ZFYVE9: variants seen among roughly 807,000 people sequenced by gnomAD.
The protein encoded by ZFYVE9 is zinc finger FYVE domain-containing protein 9.
A neutral mutation model predicts 126.7 loss-of-function variants in ZFYVE9; 43 were observed. The ratio of observed to expected loss-of-function variants is 0.34; its 90% confidence interval spans 0.27 to 0.44. The LOEUF (loss-of-function observed/expected upper bound fraction) is 0.44. Among genes scored for constraint, ZFYVE9 ranks in the 20% least tolerant of loss-of-function variants. The pLI is 1.00. For missense variants in ZFYVE9, 1,476 were observed against 1,697.0 expected, an observed-to-expected ratio of 0.87 and a Z score of 2.29; for synonymous variants, 521 against 597.4, an observed-to-expected ratio of 0.87 and a Z score of 1.87.
intron 14 of ZFYVE9, among the ~76,000 whole-genome samples, chr1:52,334,092 CAA>C (rs565760965): frequency 9.2e-5 from 6 of 65,134 alleles, no homozygotes; most frequent in African/African-American, 1.1e-4. Flanking sequence ...GACTCCGTCT[CAA>C]AAAAAAAAAA....
chr1:52,259,664 G>T (rs1029732229), intron 4 of ZFYVE9, among the ~76,000 whole-genome samples: 5 of 151,620 alleles, frequency 3.3e-5, no homozygotes, highest in African/African-American at 1.2e-4. Context: ...GGGCATGGTG[G>T]TGCACACCTG....
chr1:52,230,353 G>A (rs973316726), intron 2 of ZFYVE9, among the ~76,000 whole-genome samples: 5 of 152,158 alleles, frequency 3.3e-5, no homozygotes, highest in Non-Finnish European at 4.4e-5. Context: ...TGTGCAGTGC[G>A]CAGGTGGGCA....
intron 2 of ZFYVE9, among the ~76,000 whole-genome samples, chr1:52,222,161 T>C (rs1645129567): frequency 6.6e-6 from 1 of 152,254 alleles, no homozygotes; most frequent in Admixed American, 6.5e-5. Flanking sequence ...TGCTGTTACT[T>C]GATCCTTGTT....
rs146415905 is a variant in ZFYVE9 at position 52,317,602 on chromosome 1, G to A, written c.3438+13677G>A. On this transcript the variant is annotated intron_variant, in intron 13 of 18. Coordinates refer to ENST00000287727, the MANE Select transcript of ZFYVE9 (RefSeq NM_004799.4). ...AAAATAGAAGAAATAATAAAGATAAGCAATCCATAAAATAGAAGACAAAAA... is the reference window on the plus strand; with the variant it reads ...AAAATAGAAGAAATAATAAAGATAAACAATCCATAAAATAGAAGACAAAAA... 1.7e-3 allele frequency among the ~76,000 whole-genome samples: 256 copies of A among 151,916 alleles called. 2 individuals are homozygous for A. Among genetic ancestry groups the A allele is most frequent in the African/African-American group, 5.7e-3 (237 of 41,452 alleles).
At chr1:52,221,061 C>T (rs1645120295) in intron 2 of ZFYVE9, among the ~76,000 whole-genome samples, 1 of 152,168 alleles carries the variant, frequency 6.6e-6, no homozygotes, top group African/African-American at 2.4e-5. Context: ...CAGATTTTTC[C>T]AAAGGTATGG....
At chr1:52,278,646 G>A (rs1349872220) in intron 9 of ZFYVE9, 32 bp downstream of exon 9, 2 of 1,403,750 alleles carry the variant, frequency 1.4e-6, no homozygotes, top group Admixed American at 2.1e-5. Flanking sequence ...ATTAAAATCA[G>A]ATGTTTTACT....
At chr1:52,296,125 G>A in intron 12 of ZFYVE9, 148 bp downstream of exon 12, 1 of 533,462 alleles carries the variant, frequency 1.9e-6, no homozygotes. Context: ...GTATATGTAT[G>A]TGTATATATA....
At chr1:52,200,982 A>G (rs893831742) in intron 1 of ZFYVE9, among the ~76,000 whole-genome samples, 3 of 152,326 alleles carry the variant, frequency 2.0e-5, no homozygotes, top group East Asian at 3.9e-4. Context: ...TTTCTCCTCC[A>G]TATAAATTTT....
At chr1:52,160,437 TG>T (rs1644446445) in intron 1 of ZFYVE9, 3 of 909,896 alleles carry the variant, frequency 3.3e-6, no homozygotes, top group Non-Finnish European at 5.6e-6. Context: ...CCAAAGGCAG[TG>T]CCTTTCTATG....
At chr1:52,188,137 T>C (rs540151386) in intron 1 of ZFYVE9, among the ~76,000 whole-genome samples, 1 of 152,360 alleles carries the variant, frequency 6.6e-6, no homozygotes, top group Admixed American at 6.5e-5. Context: ...CATGGAATAC[T>C]ATGGCGCCAT....
chr1:52,260,587 C>T (rs980343615), intron 4 of ZFYVE9, among the ~76,000 whole-genome samples: 4 of 151,988 alleles, frequency 2.6e-5, no homozygotes, highest in East Asian at 3.9e-4. Flanking sequence ...GAGGCTGAGC[C>T]GGGCAGATCA....
chr1:52,185,699 A>G (rs1013516619), intron 1 of ZFYVE9, among the ~76,000 whole-genome samples: 1 of 152,126 alleles, frequency 6.6e-6, no homozygotes, highest in African/African-American at 2.4e-5. Context: ...CAAGGCGGGC[A>G]GATCACAAGG....
At chr1:52,281,399 C>T (rs1178339750) in intron 9 of ZFYVE9, among the ~76,000 whole-genome samples, 2 of 152,174 alleles carry the variant, frequency 1.3e-5, no homozygotes, top group Non-Finnish European at 2.9e-5. Context: ...TCCCAAAGTG[C>T]TGGGATTACA....
intron 5 of ZFYVE9, 115 bp downstream of exon 5, chr1:52,263,987 A>G (rs1200866471): frequency 2.0e-6 from 1 of 496,894 alleles, no homozygotes; most frequent in Non-Finnish European, 3.5e-6. Flanking sequence ...CTCAAATGTC[A>G]TAACTTTAAC....
chr1:52,158,983 G>A (rs1198449651), intron 1 of ZFYVE9, among the ~76,000 whole-genome samples: 5 of 151,896 alleles, frequency 3.3e-5, no homozygotes, highest in Non-Finnish European at 5.9e-5. Flanking sequence ...TAGTAGAGAC[G>A]GGGTTTCACC....
intron 4 of ZFYVE9, among the ~76,000 whole-genome samples, chr1:52,256,599 C>T (rs1272084909): frequency 6.6e-6 from 1 of 152,152 alleles, no homozygotes; most frequent in Non-Finnish European, 1.5e-5. Context: ...GCTGGTACAG[C>T]CTCAGTTGGA....
chr1:52,244,098 GA>G (rs1379152568), intron 4 of ZFYVE9, among the ~76,000 whole-genome samples: 2 of 152,180 alleles, frequency 1.3e-5, no homozygotes. Context: ...CAGGGTCATT[GA>G]AAAAAGCTGA....
intron 10 of ZFYVE9, among the ~76,000 whole-genome samples, chr1:52,287,275 A>G (rs1382223074): frequency 6.6e-6 from 1 of 151,888 alleles, no homozygotes; most frequent in Non-Finnish European, 1.5e-5. Context: ...CCACACTTGG[A>G]ATAATTTTTG....
intron 1 of ZFYVE9, among the ~76,000 whole-genome samples, chr1:52,158,569 G>T (rs1485915097): frequency 6.6e-6 from 1 of 152,186 alleles, no homozygotes; most frequent in East Asian, 1.9e-4. Flanking sequence ...TCAGGATCCT[G>T]ACCTTGGCGT....
Sources: allele counts gnomAD v4.1 joint callset (sites outside exome capture counted in the v4.1 genomes callset), GRCh38; gene constraint gnomAD v4.1.1; transcripts MANE v1.5; gene names NCBI Gene and HGNC (gene_info 2026-07-23, HGNC 2026-07-21).